KANK1: variants seen among roughly 807,000 people sequenced by gnomAD.
KANK1 encodes the protein KN motif and ankyrin repeat domains 1.
A neutral mutation model predicts 106.2 loss-of-function variants in KANK1; 109 were observed. The ratio of observed to expected loss-of-function variants is 1.03; its 90% confidence interval spans 0.88 to 1.20. KANK1 has a LOEUF of 1.20. Ranked by LOEUF, KANK1 falls within the 50% of genes most tolerant of loss-of-function variation. KANK1 has a pLI of 0.00. For synonymous variants in KANK1, 873 were observed against 652.2 expected (o/e 1.34, Z -5.16); for missense variants, 2,399 against 1,710.7 (o/e 1.40, Z -7.10).
At position 712,803 on chromosome 9, in the gene KANK1, G is replaced by C; in HGVS notation, c.2037G>C (p.Gln679His). Reference sequence around the variant, plus strand: ...AGGACACTAGCACAGATTTGGAACAGGTGCACCAGTTCACCAACACCGAGA... The same window carrying C: ...AGGACACTAGCACAGATTTGGAACACGTGCACCAGTTCACCAACACCGAGA... ...ADQDTSTDLE[Q>H]VHQFTNTETA... The change falls in exon 3 of 12, where the codon CAG becomes CAC. Residue 679 changes from glutamine (Q) to histidine (H), a missense_variant. Coordinates refer to ENST00000382297, the MANE Select transcript of KANK1 (RefSeq NM_015158.5). 1.2e-6 allele frequency: 2 copies of C among 1,613,762 alleles called. No homozygotes were observed. Among genetic ancestry groups the C allele is most frequent in the Non-Finnish European group, 1.7e-6 (2 of 1,179,898 alleles).
At chr9:707,328 G>A (rs553141885) in intron 2 of KANK1, 2 of 709,984 alleles carry the variant, frequency 2.8e-6, no homozygotes, top group Admixed American at 6.3e-5. Context: ...CGGCCGGGAA[G>A]GTGCGCACTG....
chr9:726,932 C>T (rs1830828592), intron 3 of KANK1, among the ~76,000 whole-genome samples: 1 of 152,160 alleles, frequency 6.6e-6, no homozygotes, highest in African/African-American at 2.4e-5. Context: ...TGCACTCCAG[C>T]CTGGGCAACA....
At position 713,252 on chromosome 9, in the gene KANK1, G is replaced by C. The variant is rs201236090; in HGVS notation, c.2486G>C (p.Arg829Pro). 4.3e-6 allele frequency: 7 copies of C among 1,610,262 alleles called. No homozygotes were observed. The highest frequency in any genetic ancestry group is 5.9e-6 in the Non-Finnish European group (7 of 1,178,380). ...MMTGLDHYIERIQKLLAEQQT... is the reference protein window; with the variant it reads ...MMTGLDHYIEPIQKLLAEQQT... ...ACTGGCCTGGATCACTACATTGAGC[G>C]TATCCAGAAGCTGCTGGCAGAACAG... Residue 829 changes from arginine (R) to proline (P), a missense_variant, in exon 3 of 12, where the codon CGT becomes CCT. By Grantham distance (103) the Arg-to-Pro change is moderately radical. Coordinates refer to ENST00000382297, the MANE Select transcript of KANK1 (RefSeq NM_015158.5).
At chr9:561,427 GAC>G (rs1382394077) in intron 1 of KANK1, among the ~76,000 whole-genome samples, 4 of 152,088 alleles carry the variant, frequency 2.6e-5, no homozygotes, top group African/African-American at 9.7e-5. Context: ...AACCATCCCT[GAC>G]AGTTACTTTG....
intron 1 of KANK1, among the ~76,000 whole-genome samples, chr9:562,776 G>T (rs1287299018): frequency 6.6e-6 from 1 of 152,240 alleles, no homozygotes; most frequent in Admixed American, 6.5e-5. Context: ...TCTAATGGAT[G>T]AAAGAGCTAG....
chr9:480,590 G>T (rs544852127), intron 3 of KANK1, among the ~76,000 whole-genome samples: 19 of 152,360 alleles, frequency 1.2e-4, no homozygotes, highest in African/African-American at 4.1e-4. Flanking sequence ...AGGATTTAAT[G>T]CAGTTAGTAT....
intron 2 of KANK1, among the ~76,000 whole-genome samples, chr9:690,244 T>G (rs1819585525): frequency 6.8e-6 from 1 of 146,494 alleles, no homozygotes; most frequent in Admixed American, 6.9e-5. Context: ...AGGCAGAGGT[T>G]GCAGTGAGCC....
intron 1 of KANK1, among the ~76,000 whole-genome samples, chr9:525,903 C>A (rs7856262): frequency 2.6e-5 from 4 of 151,216 alleles, no homozygotes; most frequent in Non-Finnish European, 4.4e-5. Context: ...CATTTGTCAC[C>A]CAGAGGATCA....
chr9:495,486 C>G (rs1461788683), intron 3 of KANK1: 1 of 152,074 alleles, frequency 6.6e-6, no homozygotes, highest in East Asian at 1.9e-4. Context: ...TACCCACCTT[C>G]CTGACAAAGT....
At chr9:640,479 C>T (rs537061665) in intron 1 of KANK1, among the ~76,000 whole-genome samples, 3 of 151,710 alleles carry the variant, frequency 2.0e-5, no homozygotes, top group Non-Finnish European at 2.9e-5. Context: ...ATTACTGCAA[C>T]CTCCGCCTCC....
intron 7 of KANK1, 102 bp from the exon 8 acceptor site, chr9:738,183 T>C: frequency 1.1e-6 from 1 of 919,684 alleles, no homozygotes; most frequent in East Asian, 2.6e-5. Flanking sequence ...TCTAACTGCA[T>C]ATATATACTT....
At chr9:657,848 A>C (rs1842481070) in intron 1 of KANK1, among the ~76,000 whole-genome samples, 1 of 151,828 alleles carries the variant, frequency 6.6e-6, no homozygotes, top group East Asian at 1.9e-4. Context: ...AATATGGGAA[A>C]TTTCCATTTG....
At chr9:667,286 T>C (rs1844856204) in intron 1 of KANK1, among the ~76,000 whole-genome samples, 1 of 152,066 alleles carries the variant, frequency 6.6e-6, no homozygotes, top group Non-Finnish European at 1.5e-5. Context: ...ATCTTTTTTG[T>C]TTCTGATTTT....
chr9:704,252 A>G (rs1421502392), intron 2 of KANK1, among the ~76,000 whole-genome samples: 1 of 152,172 alleles, frequency 6.6e-6, no homozygotes, highest in African/African-American at 2.4e-5. Flanking sequence ...TTCACTTAAA[A>G]GTATAGAGGT....
intron 3 of KANK1, among the ~76,000 whole-genome samples, chr9:719,499 T>C (rs1828733713): frequency 6.6e-6 from 1 of 152,206 alleles, no homozygotes; most frequent in Non-Finnish European, 1.5e-5. Flanking sequence ...TTCTTTTTTG[T>C]GTTTTCAGAA....
intron 1 of KANK1, among the ~76,000 whole-genome samples, chr9:556,933 A>G (rs2061626135): frequency 6.6e-6 from 1 of 152,154 alleles, no homozygotes; most frequent in Admixed American, 6.5e-5. Flanking sequence ...ACCAGCTTTG[A>G]GATGATAAAA....
At position 674,707 on chromosome 9, in the gene KANK1, T is replaced by A. The variant is rs371812635; in HGVS notation, c.-83-2183T>A. On this transcript the variant is annotated intron_variant, in intron 1 of 11. Coordinates refer to ENST00000382297, the MANE Select transcript of KANK1 (RefSeq NM_015158.5). ...CAAATAAGACAGAAGGGGTCTAAATTTTTAGTTTTGTTTTTTGAGACAGTC... is the reference window on the plus strand; with the variant it reads ...CAAATAAGACAGAAGGGGTCTAAATATTTAGTTTTGTTTTTTGAGACAGTC... Among the ~76,000 whole-genome samples the A allele has an allele frequency of 4.2e-4, 64 of 152,150 alleles. No homozygotes were observed. The South Asian group carries it at 0.013, about 31-fold the overall frequency.
At position 710,640 on chromosome 9, in the gene KANK1, C is replaced by A. The variant is rs10975975; in HGVS notation, c.38-164C>A. On this transcript the variant is annotated intron_variant, in intron 2 of 11. Transcript: ENST00000382297. The stretch of plus-strand genomic sequence containing the variant: ...CAAAAAAAAAAAAAACAAAAAAAAA[C>A]AAAAAAAACTTGCTTACCCAGCTGT... Among the ~76,000 whole-genome samples the A allele has an allele frequency of 0.44, 32,828 of 75,408 alleles. 8,542 individuals carry two copies. The highest frequency in any genetic ancestry group is 0.51 in the South Asian group (1,444 of 2,854). The allele number at this position is 75,408 out of a possible 152,430, so 49.5% of individuals were successfully genotyped here.
chr9:571,578 A>AAT (rs1554630585), intron 1 of KANK1, among the ~76,000 whole-genome samples: 4 of 151,748 alleles, frequency 2.6e-5, no homozygotes, highest in Admixed American at 6.5e-5. Flanking sequence ...AAAAAAAAAA[A>AAT]TTTTAAAAAC....
Sources: gnomAD v4.1 joint callset for allele counts (sites outside exome capture counted in the v4.1 genomes callset) on GRCh38, gnomAD v4.1.1 for gene constraint, MANE v1.5 for transcripts, NCBI Gene and HGNC (gene_info 2026-07-23, HGNC 2026-07-21) for gene names.